The following TRHDE variants were observed in gnomAD, a reference collection of about 807,000 sequenced individuals.
The protein encoded by TRHDE is thyrotropin-releasing hormone-degrading ectoenzyme.
Under a neutral mutation model 125.7 loss-of-function variants are expected in TRHDE, and 72 were observed. That is an observed-to-expected ratio of 0.57 (90% CI 0.47 to 0.70). The LOEUF (loss-of-function observed/expected upper bound fraction) is 0.70, where lower values mean the gene tolerates loss of function less well. Among genes scored for constraint, TRHDE ranks in the 30% least tolerant of loss-of-function variants. TRHDE has a pLI of 0.00. For synonymous variants in TRHDE, 509 were observed against 509.1 expected (o/e 1.00, Z 0.00); for missense variants, 1,110 against 1,327.1 (o/e 0.84, Z 2.54).
intron 1 of TRHDE, among the ~76,000 whole-genome samples, chr12:72,103,832 T>G (rs1875121982): frequency 6.6e-6 from 1 of 152,074 alleles, no homozygotes; most frequent in South Asian, 2.1e-4. Context: ...GGCCAATAAA[T>G]TGTCCATTAT....
intron 9 of TRHDE, among the ~76,000 whole-genome samples, chr12:72,564,709 C>T (rs1265549404): frequency 9.3e-6 from 1 of 107,666 alleles, no homozygotes; most frequent in African/African-American, 3.4e-5. Context: ...GCTCTGTCTC[C>T]CAGGCTGGAG....
chr12:72,200,295 A>G (rs1267931804), intron 2 of TRHDE, among the ~76,000 whole-genome samples: 1 of 152,174 alleles, frequency 6.6e-6, no homozygotes, highest in Non-Finnish European at 1.5e-5. Context: ...AGGAGAGGGA[A>G]GGTGAGATAG....
intron 3 of TRHDE, among the ~76,000 whole-genome samples, chr12:72,425,362 A>T (rs1874139838): frequency 6.6e-6 from 1 of 152,066 alleles, no homozygotes; most frequent in Admixed American, 6.6e-5. Context: ...TTTTTGTCTG[A>T]TTGCTAAGTG....
chr12:72,261,129 T>G (rs1565675429), intron 2 of TRHDE, among the ~76,000 whole-genome samples: 1 of 152,208 alleles, frequency 6.6e-6, no homozygotes, highest in Non-Finnish European at 1.5e-5. Context: ...TTCTTTCCTT[T>G]TCTTGAGATG....
chr12:72,454,158 T>C (rs1460698861), intron 3 of TRHDE, among the ~76,000 whole-genome samples: 1 of 152,008 alleles, frequency 6.6e-6, no homozygotes, highest in Non-Finnish European at 1.5e-5. Context: ...TATAAATCAA[T>C]AGTGCAAAAA....
At chr12:72,557,849 T>G (rs1391795833) in intron 7 of TRHDE, among the ~76,000 whole-genome samples, 1 of 152,168 alleles carries the variant, frequency 6.6e-6, no homozygotes, top group Non-Finnish European at 1.5e-5. Context: ...TTATGTCCTG[T>G]ATTAATATTT....
chr12:72,386,131 C>T (rs969146539), intron 3 of TRHDE, among the ~76,000 whole-genome samples: 17 of 152,118 alleles, frequency 1.1e-4, no homozygotes, highest in African/African-American at 3.9e-4. Flanking sequence ...CCTCCTTCGC[C>T]TTTCTCTAGT....
chr12:72,407,898 G>T (rs1257498247), intron 3 of TRHDE, among the ~76,000 whole-genome samples: 1 of 152,198 alleles, frequency 6.6e-6, no homozygotes, highest in Non-Finnish European at 1.5e-5. Context: ...TGACCTTGAT[G>T]CTTAGCAAAG....
intron 3 of TRHDE, among the ~76,000 whole-genome samples, chr12:72,445,116 A>G (rs895046074): frequency 1.4e-4 from 22 of 151,816 alleles, no homozygotes; most frequent in Non-Finnish European, 5.9e-5. Context: ...TCAATGACCA[A>G]GAATTCACTG....
At chr12:72,209,875 G>C (rs1291467808) in intron 2 of TRHDE, among the ~76,000 whole-genome samples, 1 of 152,108 alleles carries the variant, frequency 6.6e-6, no homozygotes, top group Admixed American at 6.5e-5. Flanking sequence ...TTATGCAAGT[G>C]TTGATTAAAT....
chr12:72,512,041 T>A (rs1249163513), intron 6 of TRHDE, among the ~76,000 whole-genome samples: 1 of 152,154 alleles, frequency 6.6e-6, no homozygotes, highest in African/African-American at 2.4e-5. Flanking sequence ...AGTTTCTGTC[T>A]TTTTTACTTT....
intron 2 of TRHDE, among the ~76,000 whole-genome samples, chr12:72,361,073 TGTG>T (rs1212950140): frequency 6.6e-6 from 1 of 151,878 alleles, no homozygotes; most frequent in Non-Finnish European, 1.5e-5. Context: ...AGTGAGAACA[TGTG>T]GTGTCTGGTT....
chr12:72,452,014 A>C (rs368476158), intron 3 of TRHDE, among the ~76,000 whole-genome samples: 1 of 152,086 alleles, frequency 6.6e-6, no homozygotes, highest in East Asian at 1.9e-4. Context: ...TTTTTAGTAG[A>C]GACAGGGTTT....
chr12:72,387,242 A>C (rs1475488546), intron 3 of TRHDE, among the ~76,000 whole-genome samples: 2 of 152,270 alleles, frequency 1.3e-5, no homozygotes, highest in African/African-American at 4.8e-5. Context: ...TCTTGGCCTT[A>C]GATACTTTTT....
intron 3 of TRHDE, among the ~76,000 whole-genome samples, chr12:72,378,966 T>G (rs1442628108): frequency 6.6e-6 from 1 of 152,226 alleles, no homozygotes; most frequent in Non-Finnish European, 1.5e-5. Flanking sequence ...AAAACCTGTT[T>G]TGAAATATTA....
At chr12:72,528,908 C>T (rs1868402941) in intron 6 of TRHDE, among the ~76,000 whole-genome samples, 1 of 152,046 alleles carries the variant, frequency 6.6e-6, no homozygotes. Context: ...TAAACCATTG[C>T]TTTGCTAATA....
chr12:72,500,679 A>T (rs919492325), intron 6 of TRHDE, among the ~76,000 whole-genome samples: 1 of 152,148 alleles, frequency 6.6e-6, no homozygotes, highest in Non-Finnish European at 1.5e-5. Flanking sequence ...GGTTTGAGCC[A>T]TGGCACCCAG....
At chr12:72,196,204 T>A (rs542536559) in intron 2 of TRHDE, among the ~76,000 whole-genome samples, 3 of 152,216 alleles carry the variant, frequency 2.0e-5, no homozygotes, top group African/African-American at 7.2e-5. Context: ...CTTTGGCTAT[T>A]CAGGCTCTTT....
intron 9 of TRHDE, among the ~76,000 whole-genome samples, chr12:72,566,053 T>TTAAG (rs1870427757): frequency 6.6e-6 from 1 of 152,072 alleles, no homozygotes; most frequent in Non-Finnish European, 1.5e-5. Context: ...TTCTAGTCTT[T>TTAAG]TAAGTTATAA....
Sources: gnomAD v4.1 joint callset for allele counts (sites outside exome capture counted in the v4.1 genomes callset) on GRCh38, gnomAD v4.1.1 for gene constraint, MANE v1.5 for transcripts, NCBI Gene and HGNC (gene_info 2026-07-23, HGNC 2026-07-21) for gene names.